PRELID2: variants seen among roughly 807,000 people sequenced by gnomAD.
The protein encoded by PRELID2 is PRELI domain containing 2.
A neutral mutation model predicts 28.4 loss-of-function variants in PRELID2; 25 were observed. The ratio of observed to expected loss-of-function variants is 0.88; its 90% CI spans 0.64 to 1.23. PRELID2 has a LOEUF of 1.23. PRELID2 is among the 50% of genes most tolerant of loss of function. The pLI is 0.00. For synonymous variants in PRELID2, 76 were observed against 71.6 expected (o/e 1.06, Z -0.31); for missense variants, 201 against 214.4 (o/e 0.94, Z 0.39).
At chr5:145,433,834 T>C in the PRELID2 span, among the ~76,000 whole-genome samples, 1 of 152,198 alleles carries the variant, frequency 6.6e-6, no homozygotes, top group Non-Finnish European at 1.5e-5. Context: ...ACTGTATCTA[T>C]GTTGTCTTGA....
At chr5:145,515,794 G>T (rs569848862) in intron 1 of PRELID2, among the ~76,000 whole-genome samples, 1 of 152,128 alleles carries the variant, frequency 6.6e-6, no homozygotes, top group African/African-American at 2.4e-5. Flanking sequence ...TATCCACCAC[G>T]ATCAAGTCGC....
At chr5:145,740,521 A>G (rs13166750) in intron 1 of PRELID2, among the ~76,000 whole-genome samples, 97,521 of 127,920 alleles carry the variant, frequency 0.76, 39,337 homozygotes, top group East Asian at 0.89. Flanking sequence ...TCTAACTAGC[A>G]TTTATAAAAC....
At chr5:145,293,969 A>G in the PRELID2 span, among the ~76,000 whole-genome samples, 28 of 152,182 alleles carry the variant, frequency 1.8e-4, no homozygotes, top group Non-Finnish European at 3.7e-4. Flanking sequence ...ACTATGCTGA[A>G]GTACTATTCT....
chr5:145,612,054 C>T lies in PRELID2; in HGVS notation n.71-138739G>A, dbSNP rs187242545. 6.6e-5 allele frequency among the ~76,000 whole-genome samples: 10 copies of T among 152,186 alleles called. No individual in the cohort carries two copies. In the East Asian group the frequency reaches 1.9e-3, roughly 29 times the overall value. On this transcript the variant is annotated intron_variant and non_coding_transcript_variant, in intron 1 of 2. Transcript: ENST00000510259. ...AGCAGTGTGAAAACCAGGTGTTTTA[C>T]CAACTGATATTAGGACAATTGGACA...
the PRELID2 span, among the ~76,000 whole-genome samples, chr5:145,316,733 A>G: frequency 2.0e-5 from 3 of 152,174 alleles, no homozygotes; most frequent in Non-Finnish European, 4.4e-5. Flanking sequence ...TACCTAAGAA[A>G]ATACCATGTT....
intron 1 of PRELID2, among the ~76,000 whole-genome samples, chr5:145,652,366 C>T (rs1754313468): frequency 2.0e-5 from 3 of 152,194 alleles, no homozygotes; most frequent in Admixed American, 2.0e-4. Flanking sequence ...CCTAGCAAGG[C>T]AGGCCAACAT....
At chr5:145,802,763 A>G (rs1253562124) in intron 4 of PRELID2, among the ~76,000 whole-genome samples, 2 of 152,202 alleles carry the variant, frequency 1.3e-5, no homozygotes, top group African/African-American at 4.8e-5. Flanking sequence ...TGTGACAGAG[A>G]AAGCACAACT....
chr5:145,363,807 A>C, the PRELID2 span, among the ~76,000 whole-genome samples: 1 of 152,064 alleles, frequency 6.6e-6, no homozygotes, highest in Non-Finnish European at 1.5e-5. Flanking sequence ...GAAAGGAGTT[A>C]TGTTTACAGC....
At chr5:145,797,672 C>T (rs1752857108) in intron 4 of PRELID2, among the ~76,000 whole-genome samples, 1 of 152,008 alleles carries the variant, frequency 6.6e-6, no homozygotes. Flanking sequence ...GAAGATGCAT[C>T]CCTCAAAAAG....
chr5:145,639,152 T>C (rs1441204189), intron 1 of PRELID2, among the ~76,000 whole-genome samples: 3 of 152,206 alleles, frequency 2.0e-5, no homozygotes, highest in Non-Finnish European at 4.4e-5. Flanking sequence ...CAGAGCAGGT[T>C]TCAAACTGTA....
chr5:145,650,122 C>A (rs539247837), intron 1 of PRELID2, among the ~76,000 whole-genome samples: 1 of 152,050 alleles, frequency 6.6e-6, no homozygotes, highest in Non-Finnish European at 1.5e-5. Context: ...TTTAATTCAC[C>A]GTCACTCCTA....
the PRELID2 span, among the ~76,000 whole-genome samples, chr5:145,372,955 A>G: frequency 2.1e-5 from 1 of 47,278 alleles, no homozygotes; most frequent in Non-Finnish European, 4.1e-5. Context: ...ATATGATATT[A>G]TATATTACAA....
At chr5:145,266,078 T>C in the PRELID2 span, among the ~76,000 whole-genome samples, 3 of 152,064 alleles carry the variant, frequency 2.0e-5, 1 homozygote, top group East Asian at 3.9e-4. Context: ...AACAAAGGAC[T>C]AACATCCAGA....
chr5:145,674,434 G>T (rs1262335287), intron 1 of PRELID2, among the ~76,000 whole-genome samples: 3 of 151,892 alleles, frequency 2.0e-5, no homozygotes, highest in African/African-American at 7.3e-5. Context: ...TCCAGAAATA[G>T]ATCTGATCAC....
intron 1 of PRELID2, among the ~76,000 whole-genome samples, chr5:145,645,488 AT>A (rs202218578): frequency 0.013 from 1,997 of 151,460 alleles, 43 homozygotes; most frequent in African/African-American, 0.047. Context: ...ACTCTATCCA[AT>A]TTGCCAGTCT....
At chr5:145,742,218 A>C (rs1756844428) in intron 1 of PRELID2, among the ~76,000 whole-genome samples, 1 of 138,826 alleles carries the variant, frequency 7.2e-6, no homozygotes, top group Non-Finnish European at 1.5e-5. Context: ...ATACATTTTT[A>C]TTTATATATA....
At chr5:145,628,960 G>A (rs550571550) in intron 1 of PRELID2, among the ~76,000 whole-genome samples, 14 of 152,290 alleles carry the variant, frequency 9.2e-5, no homozygotes, top group African/African-American at 3.1e-4. Flanking sequence ...AAAGTCAAAA[G>A]AAATTCAGAA....
chr5:145,457,013 G>A, the PRELID2 span, among the ~76,000 whole-genome samples: 1 of 152,162 alleles, frequency 6.6e-6, no homozygotes, highest in African/African-American at 2.4e-5. Flanking sequence ...AATCACCTAA[G>A]AGTGCCTCAG....
intron 1 of PRELID2, among the ~76,000 whole-genome samples, chr5:145,486,131 G>T (rs1752215505): frequency 6.6e-6 from 1 of 152,128 alleles, no homozygotes; most frequent in South Asian, 2.1e-4. Flanking sequence ...AAAAGCCAAT[G>T]ACTTCACTAT....
Sources: allele counts gnomAD v4.1 joint callset (sites outside exome capture counted in the v4.1 genomes callset), GRCh38; gene constraint gnomAD v4.1.1; transcripts MANE v1.5; gene names NCBI Gene and HGNC (gene_info 2026-07-23, HGNC 2026-07-21).